The following MTUS2 variants were observed in gnomAD, a reference collection of about 807,000 sequenced individuals.
MTUS2 encodes the protein microtubule associated scaffold protein 2.
A neutral mutation model predicts 114.1 loss-of-function variants in MTUS2; 40 were observed. That is an observed-to-expected ratio of 0.35 (90% CI 0.27 to 0.46). The LOEUF (loss-of-function observed/expected upper bound fraction) is 0.46. Among genes scored for constraint, MTUS2 ranks in the 20% least tolerant of loss-of-function variants. The probability of loss-of-function intolerance (pLI) is 1.00; values close to 1 mark genes in which losing one functional copy is unlikely to be tolerated. For missense variants in MTUS2, 1,679 were observed against 1,705.4 expected (o/e 0.98, Z 0.27); for synonymous variants, 688 against 672.0 (o/e 1.02, Z -0.37).
intron 2 of MTUS2, among the ~76,000 whole-genome samples, chr13:28,949,190 C>T (rs1229101276): frequency 1.3e-5 from 2 of 152,196 alleles, no homozygotes; most frequent in South Asian, 2.1e-4. Context: ...AACATCTCTT[C>T]TCCCGTTCAT....
chr13:29,210,385 A>G (rs1221472271), intron 5 of MTUS2, among the ~76,000 whole-genome samples: 3 of 151,916 alleles, frequency 2.0e-5, no homozygotes, highest in African/African-American at 4.8e-5. Flanking sequence ...TGGTGCCTCC[A>G]TGTGTAGCTT....
intron 2 of MTUS2, among the ~76,000 whole-genome samples, chr13:28,841,138 T>G (rs1328823236): frequency 6.6e-6 from 1 of 152,202 alleles, no homozygotes; most frequent in African/African-American, 2.4e-5. Context: ...TAATGGATGG[T>G]TCTTCATTAC....
chr13:28,924,590 G>A (rs1372207797), intron 2 of MTUS2, among the ~76,000 whole-genome samples: 4 of 152,140 alleles, frequency 2.6e-5, no homozygotes, highest in African/African-American at 4.8e-5. Flanking sequence ...GAATAAAGGC[G>A]GGGAGCTGCT....
intron 4 of MTUS2, chr13:29,072,260 AT>A (rs992408795): frequency 1.2e-4 from 19 of 152,080 alleles, no homozygotes; most frequent in Admixed American, 5.2e-4. Context: ...GTTGGTTGTT[AT>A]TTTTAATTCT....
At chr13:29,415,709 T>G (rs2138569888) in intron 8 of MTUS2, among the ~76,000 whole-genome samples, 1 of 152,318 alleles carries the variant, frequency 6.6e-6, no homozygotes, top group Non-Finnish European at 1.5e-5. Flanking sequence ...TTGGTATAGC[T>G]GATATGTTTG....
intron 5 of MTUS2, among the ~76,000 whole-genome samples, chr13:29,277,893 C>T (rs1048451541): frequency 3.3e-5 from 5 of 152,312 alleles, no homozygotes; most frequent in Admixed American, 2.6e-4. Flanking sequence ...CCAAGGAGAG[C>T]ATGCAAGGCA....
At position 29,503,427 on chromosome 13, in the gene MTUS2, G is replaced by C; in HGVS notation, c.*221G>C. 1.7e-6 allele frequency: 1 copy of C among 594,734 alleles called. No individual in the cohort carries two copies. Among genetic ancestry groups the C allele is most frequent in the Admixed American group, 3.0e-5 (1 of 33,746 alleles). 36.8% of individuals were successfully genotyped at this position (594,734 alleles called of 1,614,324 possible). A position where few individuals can be genotyped will look rare whatever the true frequency, so the allele number is the denominator to read the frequency against. Reference sequence around the variant, plus strand: ...TCTGATGTGCAAACGTTTTACCATAGTTAGAGCCAAAAGAAAGACACTTGC... The same window carrying C: ...TCTGATGTGCAAACGTTTTACCATACTTAGAGCCAAAAGAAAGACACTTGC... On this transcript the variant is annotated 3_prime_UTR_variant, in exon 16 of 16. Transcript: ENST00000612955.
chr13:28,935,828 G>A (rs961034119), intron 2 of MTUS2, among the ~76,000 whole-genome samples: 12 of 152,002 alleles, frequency 7.9e-5, no homozygotes, highest in Middle Eastern at 6.8e-3. Flanking sequence ...AACTCACTGC[G>A]GCCTGGACCT....
At chr13:29,380,992 T>C (rs7490016) in intron 8 of MTUS2, among the ~76,000 whole-genome samples, 101,364 of 142,816 alleles carry the variant, frequency 0.71, 39,347 homozygotes, top group East Asian at 0.84. Flanking sequence ...AGGGCAGCTG[T>C]GACTGTCAGC....
intron 5 of MTUS2, among the ~76,000 whole-genome samples, chr13:29,123,886 C>A (rs1055625900): frequency 6.6e-6 from 1 of 152,172 alleles, no homozygotes; most frequent in Non-Finnish European, 1.5e-5. Flanking sequence ...GCTGCCATCC[C>A]CCTGCAGATG....
At chr13:28,900,743 T>C (rs1240635183) in intron 2 of MTUS2, among the ~76,000 whole-genome samples, 2 of 152,222 alleles carry the variant, frequency 1.3e-5, no homozygotes, top group South Asian at 2.1e-4. Flanking sequence ...ATTGTATTAG[T>C]TGACTAGGCT....
intron 2 of MTUS2, among the ~76,000 whole-genome samples, chr13:28,989,982 C>G (rs1593360525): frequency 6.6e-6 from 1 of 152,232 alleles, no homozygotes; most frequent in South Asian, 2.1e-4. Flanking sequence ...CCCTCTGCCC[C>G]CTACCCTACT....
chr13:29,503,425 T>C lies in MTUS2; in HGVS notation c.*219T>C, dbSNP rs557084809. 4.6e-4 allele frequency: 274 copies of C among 595,646 alleles called. 4 individuals are homozygous for C. In the South Asian group the frequency reaches 5.6e-3, roughly 12 times the overall value. The allele number at this position is 595,646 out of a possible 1,614,324, so 36.9% of individuals were successfully genotyped here. On this transcript the variant is annotated 3_prime_UTR_variant, in exon 16 of 16. Transcript: ENST00000612955. The stretch of plus-strand genomic sequence containing the variant: ...AGTCTGATGTGCAAACGTTTTACCA[T>C]AGTTAGAGCCAAAAGAAAGACACTT...
intron 2 of MTUS2, among the ~76,000 whole-genome samples, chr13:28,999,520 A>T (rs1885286876): frequency 6.6e-6 from 1 of 152,230 alleles, no homozygotes; most frequent in Admixed American, 6.5e-5. Flanking sequence ...TAATATACAT[A>T]TTTATGGGGT....
chr13:29,114,784 T>C (rs1175270299), intron 5 of MTUS2, among the ~76,000 whole-genome samples: 2 of 152,232 alleles, frequency 1.3e-5, no homozygotes, highest in African/African-American at 4.8e-5. Flanking sequence ...GGGTCAGAGC[T>C]AACGCCTCAG....
intron 5 of MTUS2, among the ~76,000 whole-genome samples, chr13:29,272,454 C>A (rs1217342901): frequency 6.6e-6 from 1 of 152,204 alleles, no homozygotes; most frequent in Non-Finnish European, 1.5e-5. Flanking sequence ...TCCTTGAGAA[C>A]CTCATTTTGG....
At chr13:29,139,484 C>G (rs897541535) in intron 5 of MTUS2, among the ~76,000 whole-genome samples, 4 of 152,106 alleles carry the variant, frequency 2.6e-5, no homozygotes, top group Non-Finnish European at 5.9e-5. Flanking sequence ...ATTCATTTCC[C>G]CCCATTTGAG....
intron 6 of MTUS2, among the ~76,000 whole-genome samples, chr13:29,313,664 A>G (rs1382609669): frequency 6.6e-6 from 1 of 152,202 alleles, no homozygotes; most frequent in Non-Finnish European, 1.5e-5. Flanking sequence ...TATCAAGAAA[A>G]TTTCCCAGAA....
intron 1 of MTUS2, among the ~76,000 whole-genome samples, chr13:28,836,110 C>G (rs532718307): frequency 3.0e-4 from 46 of 152,144 alleles, no homozygotes; most frequent in Non-Finnish European, 5.0e-4. Flanking sequence ...TTTCTAGTAC[C>G]TGCATTTAAA....
Sources: allele counts gnomAD v4.1 joint callset (sites outside exome capture counted in the v4.1 genomes callset), GRCh38; gene constraint gnomAD v4.1.1; transcripts MANE v1.5; gene names NCBI Gene and HGNC (gene_info 2026-07-23, HGNC 2026-07-21).